Variants in PFKFB3 observed in about 807,000 individuals in gnomAD.
The protein encoded by PFKFB3 is 6-phosphofructo-2-kinase/fructose-2,6-biphosphatase 3, also known as 6-phosphofructo-2-kinase/fructose-2,6-bisphosphatase 3.
In PFKFB3, 33 loss-of-function variants were observed where a neutral mutation model predicts 68.0. The observed-to-expected ratio is 0.49, with a 90% CI of 0.37 to 0.65. PFKFB3 has a LOEUF of 0.65. Ranked by LOEUF, PFKFB3 falls within the 30% of genes least tolerant of loss-of-function variation. The pLI, the probability that PFKFB3 is intolerant of heterozygous loss-of-function variation, is 0.00. For missense variants in PFKFB3, 586 were observed against 712.2 expected (o/e 0.82, Z 2.02); for synonymous variants, 315 against 288.2 (o/e 1.09, Z -0.94).
At chr10:6,307,371 A>C in the PFKFB3 span, among the ~76,000 whole-genome samples, 1 of 148,034 alleles carries the variant, frequency 6.8e-6, no homozygotes. Flanking sequence ...ACACACACTC[A>C]CCCTACTGGT....
intron 1 of PFKFB3, among the ~76,000 whole-genome samples, chr10:6,192,662 C>A (rs1843061242): frequency 1.5e-5 from 2 of 130,588 alleles, no homozygotes; most frequent in South Asian, 2.6e-4. Context: ...CTTCCCCTCA[C>A]CCGTGTGTGT....
At chr10:6,146,316 A>C (rs531002021) in intron 1 of PFKFB3, 449 of 1,522,696 alleles carry the variant, frequency 2.9e-4, no homozygotes, top group Non-Finnish European at 3.7e-4. Flanking sequence ...CCTAGGTATC[A>C]GCGTGGGCTC....
At chr10:6,214,983 G>T (rs577867852) in intron 2 of PFKFB3, among the ~76,000 whole-genome samples, 1 of 152,218 alleles carries the variant, frequency 6.6e-6, no homozygotes, top group Non-Finnish European at 1.5e-5. Context: ...GGACAGTGTC[G>T]CAGAGCATGC....
intron 1 of PFKFB3, among the ~76,000 whole-genome samples, chr10:6,155,039 C>T (rs1355054596): frequency 1.3e-5 from 2 of 152,146 alleles, no homozygotes; most frequent in Non-Finnish European, 2.9e-5. Context: ...CACTGTGCCC[C>T]AGGTCAGTCA....
chr10:6,222,267 G>C (rs1221104200), intron 10 of PFKFB3, among the ~76,000 whole-genome samples: 1 of 152,230 alleles, frequency 6.6e-6, no homozygotes, highest in African/African-American at 2.4e-5. Context: ...GCACAGCAGA[G>C]AGCCCACAGG....
Position 6,203,008 on chromosome 10 carries a change from G to A in PFKFB3, c.-253G>A. 7.3e-7 allele frequency: 1 copy of A among 1,363,530 alleles called. No homozygotes were observed. Among genetic ancestry groups the A allele is most frequent in the East Asian group, 3.1e-5 (1 of 32,224 alleles). The allele number at this position is 1,363,530 out of a possible 1,614,324, so 84.5% of individuals were successfully genotyped here. A position where few individuals can be genotyped will look rare whatever the true frequency, so the allele number is the denominator to read the frequency against. On this transcript the variant is annotated 5_prime_UTR_variant, in exon 1 of 15. Coordinates refer to ENST00000379775, the MANE Select transcript of PFKFB3 (RefSeq NM_004566.4). Reference sequence around the variant, plus strand: ...TGTCACTGCGCCCGAGCATCCCAGAGCTTTCCGAGCGGACGAGCCGGCCGT... The same window carrying A: ...TGTCACTGCGCCCGAGCATCCCAGAACTTTCCGAGCGGACGAGCCGGCCGT...
chr10:6,318,839 T>C, the PFKFB3 span, among the ~76,000 whole-genome samples: 4 of 152,160 alleles, frequency 2.6e-5, no homozygotes, highest in Non-Finnish European at 4.4e-5. Flanking sequence ...TGAGGATGTG[T>C]CCTGCTGAAA....
the PFKFB3 span, among the ~76,000 whole-genome samples, chr10:6,322,984 C>A: frequency 6.6e-6 from 1 of 152,200 alleles, no homozygotes; most frequent in African/African-American, 2.4e-5. Flanking sequence ...TCCCCAGGAC[C>A]TAAGACCATC....
At chr10:6,310,792 G>T in the PFKFB3 span, among the ~76,000 whole-genome samples, 1 of 152,118 alleles carries the variant, frequency 6.6e-6, no homozygotes, top group Non-Finnish European at 1.5e-5. Flanking sequence ...AGAGGGAAAA[G>T]AAATAATTAA....
chr10:6,174,799 C>T (rs1842413935), intron 1 of PFKFB3, among the ~76,000 whole-genome samples: 1 of 149,554 alleles, frequency 6.7e-6, no homozygotes, highest in Non-Finnish European at 1.5e-5. Context: ...GGAATAGCTT[C>T]TACTTTGTTT....
intron 1 of PFKFB3, among the ~76,000 whole-genome samples, chr10:6,183,632 T>C (rs1419494412): frequency 6.8e-6 from 1 of 147,458 alleles, no homozygotes; most frequent in African/African-American, 2.5e-5. Context: ...TATATATATA[T>C]GTATATAAAT....
chr10:6,153,075 G>A (rs910472063), intron 1 of PFKFB3, among the ~76,000 whole-genome samples: 1 of 152,098 alleles, frequency 6.6e-6, no homozygotes, highest in African/African-American at 2.4e-5. Context: ...CCAGCTACTC[G>A]GGAGGCTAAG....
At chr10:6,241,825 T>A (rs992901457) in intron 14 of PFKFB3, among the ~76,000 whole-genome samples, 20 of 151,612 alleles carry the variant, frequency 1.3e-4, no homozygotes, top group Non-Finnish European at 2.2e-4. Flanking sequence ...TTCTTTTTTT[T>A]AATTTTTTTT....
At chr10:6,179,676 G>A (rs1048202104) in intron 1 of PFKFB3, among the ~76,000 whole-genome samples, 1 of 152,184 alleles carries the variant, frequency 6.6e-6, no homozygotes, top group African/African-American at 2.4e-5. Flanking sequence ...GGATCATCAT[G>A]GGCTGTGTTG....
At chr10:6,185,165 G>A (rs938180883) in intron 1 of PFKFB3, among the ~76,000 whole-genome samples, 1 of 152,214 alleles carries the variant, frequency 6.6e-6, no homozygotes, top group African/African-American at 2.4e-5. Flanking sequence ...CTGTGGCCTT[G>A]AGACACATCA....
At chr10:6,159,617 G>A (rs1432096802) in intron 1 of PFKFB3, among the ~76,000 whole-genome samples, 4 of 151,338 alleles carry the variant, frequency 2.6e-5, no homozygotes, top group Admixed American at 1.3e-4. Context: ...GCTTGAACCC[G>A]GGAGGAGGAG....
At position 6,207,057 on chromosome 10, in the gene PFKFB3, A is replaced by C. The variant is rs1168297424; in HGVS notation, c.76+3721A>C. Reference sequence around the variant, plus strand: ...GGGTGGCGGCCGGGCAGAGGCTGCAATCTCGGCACTTTGGGAGGCCAAGGC... The same window carrying C: ...GGGTGGCGGCCGGGCAGAGGCTGCACTCTCGGCACTTTGGGAGGCCAAGGC... On this transcript the variant is annotated intron_variant, in intron 1 of 14. Coordinates refer to ENST00000379775, the MANE Select transcript of PFKFB3 (RefSeq NM_004566.4). 2.6e-5 allele frequency among the ~76,000 whole-genome samples: 4 copies of C among 151,988 alleles called. 1 individual carries two copies. Among genetic ancestry groups the C allele is most frequent in the African/African-American group, 4.8e-5 (2 of 41,392 alleles).
At chr10:6,238,013 C>G (rs79263555), downstream of PFKFB3, among the ~76,000 whole-genome samples, 6 of 152,068 alleles carry the variant, frequency 3.9e-5, no homozygotes, top group East Asian at 1.2e-3. Context: ...TGGTTTCAAC[C>G]TACAGTTTCT....
chr10:6,168,927 C>A (rs529208659), intron 1 of PFKFB3, among the ~76,000 whole-genome samples: 4 of 152,244 alleles, frequency 2.6e-5, no homozygotes, highest in African/African-American at 9.6e-5. Flanking sequence ...CCCGTCTGCC[C>A]CCCGAAAAGT....
Sources: allele counts gnomAD v4.1 joint callset (sites outside exome capture counted in the v4.1 genomes callset), GRCh38; gene constraint gnomAD v4.1.1; transcripts MANE v1.5; gene names NCBI Gene and HGNC (gene_info 2026-07-23, HGNC 2026-07-21).